Variants in PDE4B observed in about 807,000 individuals in gnomAD.
PDE4B encodes 3',5'-cyclic-AMP phosphodiesterase 4B.
Under a neutral mutation model 82.2 loss-of-function variants are expected in PDE4B, and 20 were observed. The ratio of observed to expected loss-of-function variants is 0.24; its 90% CI spans 0.17 to 0.35. The LOEUF (loss-of-function observed/expected upper bound fraction) is 0.35. PDE4B is among the 10% of genes least tolerant of loss of function. The pLI is 1.00. For synonymous variants in PDE4B, 320 were observed against 318.9 expected (o/e 1.00, Z -0.04); for missense variants, 655 against 907.2 (o/e 0.72, Z 3.57).
In PDE4B at chr1:66,372,747, C is replaced by A; in HGVS notation, c.*69C>A. The A allele has an allele frequency of 6.6e-7, 1 of 1,515,698 alleles. No homozygotes were observed. Among genetic ancestry groups the A allele is most frequent in the Non-Finnish European group, 8.9e-7 (1 of 1,118,860 alleles). The allele number at this position is 1,515,698 out of a possible 1,614,324, so 93.9% of individuals were successfully genotyped here. ...ATGCCAGCTATGTGGTAGGGCCAGC[C>A]CACCATGGGGGCCAAGACCTGCACA... is the stretch of plus-strand genomic sequence containing the variant. On this transcript the variant is annotated 3_prime_UTR_variant, in exon 17 of 17. Coordinates refer to ENST00000341517, the MANE Select transcript of PDE4B (RefSeq NM_002600.4).
At chr1:66,194,203 C>T (rs1487976279) in intron 3 of PDE4B, among the ~76,000 whole-genome samples, 1 of 152,100 alleles carries the variant, frequency 6.6e-6, no homozygotes, top group East Asian at 1.9e-4. Flanking sequence ...CCTTTCTTCA[C>T]AATTTCTTTG....
intron 3 of PDE4B, among the ~76,000 whole-genome samples, chr1:66,137,524 A>G (rs1481090961): frequency 6.6e-6 from 1 of 152,228 alleles, no homozygotes; most frequent in Non-Finnish European, 1.5e-5. Flanking sequence ...GAAATTATAA[A>G]GACTGAACTG....
At position 66,361,779 on chromosome 1, in the gene PDE4B, G is replaced by A; in HGVS notation, c.1006G>A (p.Asp336Asn). The A allele has an allele frequency of 6.2e-7, 1 of 1,611,546 alleles. No homozygotes were observed. The highest frequency in any genetic ancestry group is 8.5e-7 in the Non-Finnish European group (1 of 1,178,518). The change falls in exon 10 of 17, where the codon GAT becomes AAT. Residue 336 changes from aspartate to asparagine, a missense_variant. Physicochemically the swap from Asp to Asn is conservative, Grantham distance 23 (BLOSUM62 1). Coordinates refer to ENST00000341517, the MANE Select transcript of PDE4B (RefSeq NM_002600.4). ...SRFGVNTENE[D>N]HLAKELEDLN... ...CTTTGGAGTCAACACTGAAAATGAA[G>A]ATCACCTGGCCAAGGTGTGTATAAG...
chr1:65,944,536 G>T (rs1366167548), intron 3 of PDE4B, among the ~76,000 whole-genome samples: 1 of 151,892 alleles, frequency 6.6e-6, no homozygotes, highest in Non-Finnish European at 1.5e-5. Flanking sequence ...TTTTGGGGCA[G>T]ATAAATTGAT....
chr1:65,935,671 G>C (rs2100530969), intron 3 of PDE4B, among the ~76,000 whole-genome samples: 1 of 152,258 alleles, frequency 6.6e-6, no homozygotes, highest in Non-Finnish European at 1.5e-5. Flanking sequence ...GCCGGGTGTG[G>C]TGGCTCATGC....
chr1:65,914,963 G>T (rs1031520858), intron 2 of PDE4B, among the ~76,000 whole-genome samples: 1 of 152,068 alleles, frequency 6.6e-6, no homozygotes, highest in African/African-American at 2.4e-5. Context: ...ATACATCTTG[G>T]ATTTTGAATA....
intron 3 of PDE4B, among the ~76,000 whole-genome samples, chr1:65,990,906 G>C (rs1651206348): frequency 6.6e-6 from 1 of 152,036 alleles, no homozygotes; most frequent in Non-Finnish European, 1.5e-5. Flanking sequence ...GAAATGTTCT[G>C]CTTTCCAGAG....
intron 3 of PDE4B, among the ~76,000 whole-genome samples, chr1:66,022,149 C>A (rs1252298567): frequency 6.6e-6 from 1 of 152,184 alleles, no homozygotes; most frequent in East Asian, 1.9e-4. Flanking sequence ...GATTTTTGCA[C>A]ATTGATTTTG....
At chr1:65,795,754 A>C (rs569764950) in intron 1 of PDE4B, among the ~76,000 whole-genome samples, 27 of 152,342 alleles carry the variant, frequency 1.8e-4, no homozygotes, top group Admixed American at 1.3e-3. Flanking sequence ...TTGCAGCTCT[A>C]CTTCTCTCTT....
chr1:66,290,408 G>A (rs1201930730), intron 7 of PDE4B, among the ~76,000 whole-genome samples: 1 of 152,138 alleles, frequency 6.6e-6, no homozygotes, highest in African/African-American at 2.4e-5. Context: ...TTATGAGTAG[G>A]TTTGTACGTA....
At chr1:66,303,647 T>C (rs1294554092) in intron 7 of PDE4B, among the ~76,000 whole-genome samples, 1 of 152,110 alleles carries the variant, frequency 6.6e-6, no homozygotes, top group African/African-American at 2.4e-5. Flanking sequence ...AACCAAACTC[T>C]AGCTATTTGC....
At chr1:66,372,075 C>T (rs1043181892) in intron 16 of PDE4B, among the ~76,000 whole-genome samples, 26 of 152,148 alleles carry the variant, frequency 1.7e-4, no homozygotes, top group African/African-American at 4.8e-4. Context: ...CTCAATAAGT[C>T]GTAGTTTCTG....
intron 3 of PDE4B, among the ~76,000 whole-genome samples, chr1:65,923,260 TTAAA>T (rs1255693755): frequency 6.6e-6 from 1 of 152,212 alleles, no homozygotes; most frequent in Non-Finnish European, 1.5e-5. Context: ...ACTTCACTTT[TTAAA>T]TAGTTACTGA....
intron 3 of PDE4B, among the ~76,000 whole-genome samples, chr1:66,178,093 A>T (rs951194195): frequency 6.6e-6 from 1 of 151,972 alleles, no homozygotes; most frequent in East Asian, 1.9e-4. Flanking sequence ...ATTCTAACTT[A>T]GTATTTAATA....
At chr1:66,225,055 C>T (rs2101615868) in intron 3 of PDE4B, among the ~76,000 whole-genome samples, 1 of 152,330 alleles carries the variant, frequency 6.6e-6, no homozygotes, top group African/African-American at 2.4e-5. Context: ...GACACCACTT[C>T]ACCTTGGCTC....
At chr1:66,359,156 T>A (rs898007951) in intron 9 of PDE4B, among the ~76,000 whole-genome samples, 1 of 152,248 alleles carries the variant, frequency 6.6e-6, no homozygotes, top group Non-Finnish European at 1.5e-5. Flanking sequence ...TTAAATCCTC[T>A]ACTTACCCTC....
intron 3 of PDE4B, among the ~76,000 whole-genome samples, chr1:65,950,833 G>C (rs1434005429): frequency 1.3e-5 from 2 of 152,010 alleles, no homozygotes; most frequent in Non-Finnish European, 2.9e-5. Context: ...AACCAGAAAA[G>C]GGAATGTGGG....
In PDE4B at chr1:66,361,484, G is replaced by T. The variant is rs990465238; in HGVS notation, c.842-131G>T. The T allele has an allele frequency of 4.5e-6, 3 of 665,216 alleles. No individual in the cohort carries two copies. In the African/African-American group the frequency reaches 5.4e-5, roughly 12 times the overall value. 41.2% of individuals were successfully genotyped at this position (665,216 alleles called of 1,614,324 possible). The stretch of plus-strand genomic sequence containing the variant: ...TTTATAGAACTGCCCTAGAGATACA[G>T]TGAAATAGTGCTACAAGATTTTATT... On this transcript the variant is annotated intron_variant, in intron 9 of 16. Transcript: ENST00000341517.
chr1:65,971,322 C>A (rs1650127473), intron 3 of PDE4B, among the ~76,000 whole-genome samples: 1 of 151,930 alleles, frequency 6.6e-6, no homozygotes, highest in Non-Finnish European at 1.5e-5. Flanking sequence ...ATTGCTTTTT[C>A]TATATAAAAC....
Sources: allele counts gnomAD v4.1 joint callset (sites outside exome capture counted in the v4.1 genomes callset), GRCh38; gene constraint gnomAD v4.1.1; transcripts MANE v1.5; gene names NCBI Gene and HGNC (gene_info 2026-07-23, HGNC 2026-07-21).